MACROD2: variants seen among roughly 807,000 people sequenced by gnomAD.
The protein encoded by MACROD2 is mono-ADP ribosylhydrolase 2, also known as ADP-ribose glycohydrolase MACROD2.
MACROD2 carries 36 observed loss-of-function variants against 70.4 expected under a neutral mutation model. The ratio of observed to expected loss-of-function variants is 0.51; its 90% CI spans 0.39 to 0.68. The LOEUF (loss-of-function observed/expected upper bound fraction) is 0.68, where lower values mean the gene tolerates loss of function less well. MACROD2 is among the 30% of genes least tolerant of loss of function. MACROD2 has a pLI of 0.00. For missense variants in MACROD2, 496 were observed against 538.4 expected, an observed-to-expected ratio of 0.92 and a Z score of 0.78; for synonymous variants, 172 against 178.8, an observed-to-expected ratio of 0.96 and a Z score of 0.30.
intron 8 of MACROD2, among the ~76,000 whole-genome samples, chr20:15,553,725 C>T (rs565631034): frequency 5.9e-5 from 9 of 152,244 alleles, no homozygotes; most frequent in African/African-American, 9.6e-5. Flanking sequence ...TGGACGTGCC[C>T]GGCCACCTTG....
intron 5 of MACROD2, among the ~76,000 whole-genome samples, chr20:15,114,218 G>A (rs1005923859): frequency 6.6e-6 from 1 of 152,180 alleles, no homozygotes; most frequent in Non-Finnish European, 1.5e-5. Context: ...TAGACACACC[G>A]TAACCTGACC....
At chr20:15,578,461 A>G (rs1054289292) in intron 8 of MACROD2, among the ~76,000 whole-genome samples, 3 of 152,198 alleles carry the variant, frequency 2.0e-5, no homozygotes, top group African/African-American at 7.2e-5. Flanking sequence ...GTAATGATGC[A>G]GTTATGGGGC....
intron 8 of MACROD2, among the ~76,000 whole-genome samples, chr20:15,719,558 C>T (rs1446693148): frequency 6.6e-6 from 1 of 152,084 alleles, no homozygotes; most frequent in African/African-American, 2.4e-5. Flanking sequence ...ATGAAATGAC[C>T]CACTTAATAA....
At chr20:14,890,773 T>C (rs200934228) in intron 5 of MACROD2, among the ~76,000 whole-genome samples, 7 of 29,280 alleles carry the variant, frequency 2.4e-4, no homozygotes. Context: ...AAAAAAATAA[T>C]AAAAATTAAA....
At chr20:14,946,143 G>A (rs1220886533) in intron 5 of MACROD2, among the ~76,000 whole-genome samples, 3 of 151,602 alleles carry the variant, frequency 2.0e-5, no homozygotes, top group African/African-American at 4.9e-5. Flanking sequence ...AGGTTGCAGC[G>A]AGCCAAGATT....
chr20:15,056,039 G>A (rs1416424951), intron 5 of MACROD2, among the ~76,000 whole-genome samples: 5 of 152,084 alleles, frequency 3.3e-5, no homozygotes, highest in Admixed American at 2.0e-4. Context: ...CGCCTGCCTC[G>A]GCCTCCCAAA....
chr20:15,721,632 T>C (rs564160087), intron 8 of MACROD2, among the ~76,000 whole-genome samples: 1 of 152,328 alleles, frequency 6.6e-6, no homozygotes, highest in South Asian at 2.1e-4. Flanking sequence ...TTTTAATTTA[T>C]TTTTATCACA....
Position 13,995,633 on chromosome 20 carries a change from C to G in MACROD2, c.-131C>G. ...CTGGAGAGCGGCGAGCGGCGAGCAG[C>G]GCAGGACGCAGAGCCTCTTTCACTT... On this transcript the variant is annotated 5_prime_UTR_variant, in exon 1 of 18. Transcript: ENST00000684519. The surrounding 1 kb of genome is among the most constrained non-coding windows in gnomAD (Gnocchi z 4.3). The G allele has an allele frequency of 1.2e-6, 1 of 836,042 alleles. No individual in the cohort carries two copies. The highest frequency in any genetic ancestry group is 2.0e-6 in the Non-Finnish European group (1 of 493,394). The allele number at this position is 836,042 out of a possible 1,614,324, so 51.8% of individuals were successfully genotyped here. A position where few individuals can be genotyped will look rare whatever the true frequency, so the allele number is the denominator to read the frequency against.
intron 3 of MACROD2, among the ~76,000 whole-genome samples, chr20:14,185,190 T>C (rs1031622602): frequency 5.3e-5 from 8 of 152,096 alleles, no homozygotes; most frequent in African/African-American, 1.9e-4. Context: ...GAGGGAGACC[T>C]CTTGAAATCA....
At chr20:14,835,859 A>T (rs2073023519) in intron 5 of MACROD2, among the ~76,000 whole-genome samples, 1 of 152,086 alleles carries the variant, frequency 6.6e-6, no homozygotes, top group Admixed American at 6.6e-5. Flanking sequence ...ATTAGGGCTA[A>T]GTACCATTTT....
At position 15,434,686 on chromosome 20, in the gene MACROD2, A is replaced by G. The variant is rs547184006; in HGVS notation, c.571+3251A>G. 2.0e-4 allele frequency among the ~76,000 whole-genome samples: 30 copies of G among 152,260 alleles called. No individual in the cohort carries two copies. In the East Asian group the frequency reaches 4.6e-3, roughly 24 times the overall value. On this transcript the variant is annotated intron_variant, in intron 7 of 17. Coordinates refer to ENST00000684519, the MANE Select transcript of MACROD2 (RefSeq NM_001351661.2). ...CTACTGAGTATTTATCCAGAGGAAAAGAAGTCGTTATATGAGAAAGACACT... is the reference window on the plus strand; with the variant it reads ...CTACTGAGTATTTATCCAGAGGAAAGGAAGTCGTTATATGAGAAAGACACT...
chr20:15,362,643 T>C (rs1014786918), intron 6 of MACROD2, among the ~76,000 whole-genome samples: 7 of 152,100 alleles, frequency 4.6e-5, no homozygotes, highest in Non-Finnish European at 1.0e-4. Context: ...CAATTCATTA[T>C]TAGAAATTAG....
intron 3 of MACROD2, among the ~76,000 whole-genome samples, chr20:14,216,520 TG>T (rs778075230): frequency 2.5e-4 from 38 of 152,246 alleles, no homozygotes; most frequent in African/African-American, 7.9e-4. Context: ...ATTTTAGAAT[TG>T]TTTTTTTTAA....
intron 8 of MACROD2, among the ~76,000 whole-genome samples, chr20:15,702,891 A>G (rs917494750): frequency 1.2e-4 from 18 of 152,242 alleles, no homozygotes; most frequent in African/African-American, 3.1e-4. Flanking sequence ...TTCGAACTAT[A>G]CTATAAGGCC....
chr20:14,917,509 A>C (rs1026681909), intron 5 of MACROD2, among the ~76,000 whole-genome samples: 1 of 150,630 alleles, frequency 6.6e-6, no homozygotes, highest in Non-Finnish European at 1.5e-5. Flanking sequence ...CATCCAGGGA[A>C]CTCCCTCCAC....
At chr20:14,605,284 T>G (rs1212254930) in intron 4 of MACROD2, among the ~76,000 whole-genome samples, 2 of 152,166 alleles carry the variant, frequency 1.3e-5, no homozygotes, top group Non-Finnish European at 2.9e-5. Context: ...AGGGAGAATC[T>G]GTTCCATGCT....
intron 8 of MACROD2, among the ~76,000 whole-genome samples, chr20:15,812,325 A>G (rs942393573): frequency 2.0e-5 from 3 of 152,216 alleles, no homozygotes; most frequent in Non-Finnish European, 4.4e-5. Context: ...CTATTCTGAG[A>G]TATCACACAA....
At chr20:15,764,341 A>G (rs932138731) in intron 8 of MACROD2, among the ~76,000 whole-genome samples, 1 of 152,176 alleles carries the variant, frequency 6.6e-6, no homozygotes, top group Admixed American at 6.5e-5. Flanking sequence ...AAGAATATTT[A>G]TTTGTTCTGT....
chr20:15,279,030 A>G lies in MACROD2; in HGVS notation c.540+48969A>G, dbSNP rs749269094. Among the ~76,000 whole-genome samples the G allele has an allele frequency of 3.7e-4, 57 of 152,160 alleles. 1 individual carries two copies. Among genetic ancestry groups the G allele is most frequent in the Non-Finnish European group, 6.9e-4 (47 of 68,022 alleles). ...TTCAAAATAGGCAATATCTGTGCTGAAATAGAGTTCTGTTTCTTCAATGAT... is the reference window on the plus strand; with the variant it reads ...TTCAAAATAGGCAATATCTGTGCTGGAATAGAGTTCTGTTTCTTCAATGAT... On this transcript the variant is annotated intron_variant, in intron 6 of 17. Coordinates refer to ENST00000684519, the MANE Select transcript of MACROD2 (RefSeq NM_001351661.2).
Sources: allele counts gnomAD v4.1 joint callset (sites outside exome capture counted in the v4.1 genomes callset), GRCh38; gene constraint gnomAD v4.1.1; non-coding constraint Gnocchi (gnomAD v3.1); transcripts MANE v1.5; gene names NCBI Gene and HGNC (gene_info 2026-07-23, HGNC 2026-07-21).